The following COL5A1 variants were observed in gnomAD, a reference collection of about 807,000 sequenced individuals.
COL5A1 encodes collagen type V alpha 1 chain, also known as collagen alpha-1(V) chain.
Under a neutral mutation model 263.7 loss-of-function variants are expected in COL5A1, and 16 were observed. The ratio of observed to expected loss-of-function variants is 0.06; its 90% CI spans 0.04 to 0.09. The LOEUF is 0.09. Among genes scored for constraint, COL5A1 ranks in the 10% least tolerant of loss-of-function variants. The probability of loss-of-function intolerance (pLI) is 1.00; values close to 1 mark genes in which losing one functional copy is unlikely to be tolerated. For missense variants in COL5A1, 2,036 were observed against 2,540.5 expected (o/e 0.80, Z 4.27); for synonymous variants, 1,012 against 1,004.5 (o/e 1.01, Z -0.14).
chr9:134,750,708 C>G, intron 12 of COL5A1, 82 bp from the exon 13 acceptor site: 5 of 1,592,732 alleles, frequency 3.1e-6, no homozygotes, highest in Middle Eastern at 1.7e-4. Context: ...ACTGGAGAGG[C>G]CTGTGGGCCC....
chr9:134,828,195 T>C (rs1378844300), intron 63 of COL5A1, among the ~76,000 whole-genome samples: 1 of 152,084 alleles, frequency 6.6e-6, no homozygotes, highest in Non-Finnish European at 1.5e-5. Flanking sequence ...AGGTCTCCCC[T>C]CAGAGGAATG....
intron 1 of COL5A1, among the ~76,000 whole-genome samples, chr9:134,653,696 A>G (rs1276676020): frequency 1.3e-5 from 2 of 150,082 alleles, no homozygotes; most frequent in Non-Finnish European, 3.0e-5. Context: ...CCAGGGTTCT[A>G]TAGGGATGGT....
chr9:134,717,537 C>T (rs1221454273), intron 4 of COL5A1, among the ~76,000 whole-genome samples: 3 of 152,220 alleles, frequency 2.0e-5, no homozygotes, highest in Non-Finnish European at 2.9e-5. Context: ...GCCCGTGGCT[C>T]TCCCGGCCTC....
chr9:134,799,832 A>T (rs938013600), intron 37 of COL5A1, among the ~76,000 whole-genome samples: 5 of 152,222 alleles, frequency 3.3e-5, no homozygotes, highest in Non-Finnish European at 7.3e-5. Flanking sequence ...GACAAGATAG[A>T]AGGTTTTACA....
In COL5A1 at chr9:134,817,792, C is replaced by T. The variant is rs1173806309; in HGVS notation, c.4191C>T (p.Pro1397=). 4.3e-6 allele frequency: 7 copies of T among 1,612,012 alleles called. No individual in the cohort carries two copies. The highest frequency in any genetic ancestry group is 3.3e-4 in the Middle Eastern group (2 of 6,084). The change falls in exon 54 of 66, where the codon CCC becomes CCT. Residue 1397 remains proline (P), a synonymous_variant. Transcript: ENST00000371817. Reference sequence around the variant, plus strand: ...GCTTCTTTCAGGGTCCCCCAGGCCCCGCAGGCCCCGAAGGCAGACAGGGAG... The same window carrying T: ...GCTTCTTTCAGGGTCCCCCAGGCCCTGCAGGCCCCGAAGGCAGACAGGGAG... ...GPPGKRGPPG[P]AGPEGRQGEK... is the part of the protein sequence containing the mutation.
At chr9:134,776,181 TTTTTCCCTAAAGCCAGC>T (rs1837045566) in intron 27 of COL5A1, among the ~76,000 whole-genome samples, 2 of 152,072 alleles carry the variant, frequency 1.3e-5, no homozygotes, top group South Asian at 4.2e-4. Flanking sequence ...GCGAGTCAGG[TTTTTCCCTAAAGCCAGC>T]TTCTACCAGC....
chr9:134,780,272 G>A, intron 28 of COL5A1, 126 bp downstream of exon 28: 2 of 921,850 alleles, frequency 2.2e-6, no homozygotes, highest in Non-Finnish European at 3.6e-6. Context: ...TGAGTACTGA[G>A]GGGGATGGAT....
At chr9:134,801,852 G>C (rs1183944526) in intron 37 of COL5A1, 102 bp from the exon 38 acceptor site, 23 of 1,020,620 alleles carry the variant, frequency 2.3e-5, no homozygotes, top group African/African-American at 7.9e-5. Context: ...ATCTACTCTG[G>C]GGGGAAGGGA....
intron 65 of COL5A1, 37 bp downstream of exon 65, chr9:134,835,241 C>T (rs1055951803): frequency 1.3e-5 from 21 of 1,573,178 alleles, no homozygotes; most frequent in Admixed American, 3.4e-5. Context: ...CCCCTGCTCA[C>T]GCCTCCGTGG....
chr9:134,813,955 G>A (rs1274068432), intron 48 of COL5A1, 28 bp from the exon 49 acceptor site: 12 of 1,550,486 alleles, frequency 7.7e-6, no homozygotes, highest in East Asian at 4.9e-5. Flanking sequence ...GCTCACCGCT[G>A]CCATAACCAC....
intron 22 of COL5A1, 98 bp from the exon 23 acceptor site, chr9:134,766,902 T>G: frequency 8.4e-7 from 1 of 1,191,796 alleles, no homozygotes; most frequent in Non-Finnish European, 1.2e-6. Flanking sequence ...GGGGAGCAGT[T>G]TGAAAGGATG....
At chr9:134,689,995 G>C (rs1833218710) in intron 1 of COL5A1, among the ~76,000 whole-genome samples, 1 of 152,204 alleles carries the variant, frequency 6.6e-6, no homozygotes, top group African/African-American at 2.4e-5. Context: ...GGTGGATGCA[G>C]GTCTGGGGTC....
chr9:134,660,578 G>T (rs1199993013), intron 1 of COL5A1, among the ~76,000 whole-genome samples: 1 of 152,226 alleles, frequency 6.6e-6, no homozygotes, highest in Non-Finnish European at 1.5e-5. Context: ...CTAGAGACCA[G>T]TGGTGGGAGT....
Position 134,756,809 on chromosome 9 carries a change from T to C in COL5A1, c.1872T>C (p.Thr624=). ...SDGARGMPGQ[T]GPKGDRGFDG... Reference sequence around the variant, plus strand: ...GAGCCAGAGGAATGCCTGGACAAACTGGCCCCAAGGTAGGTCACCCACCAC... The same window carrying C: ...GAGCCAGAGGAATGCCTGGACAAACCGGCCCCAAGGTAGGTCACCCACCAC... The change falls in exon 17 of 66, where the codon ACT becomes ACC. Residue 624 remains threonine (T), a synonymous_variant. Coordinates refer to ENST00000371817, the MANE Select transcript of COL5A1 (RefSeq NM_000093.5). 6.2e-7 allele frequency: 1 copy of C among 1,614,014 alleles called. No homozygotes were observed. Among genetic ancestry groups the C allele is most frequent in the Non-Finnish European group, 8.5e-7 (1 of 1,179,996 alleles).
At chr9:134,718,450 G>A (rs2132615171) in intron 4 of COL5A1, among the ~76,000 whole-genome samples, 1 of 152,358 alleles carries the variant, frequency 6.6e-6, no homozygotes, top group East Asian at 1.9e-4. Context: ...GCTTCTTTGG[G>A]CAGCCACAGG....
At chr9:134,766,907 A>T (rs1006557337) in intron 22 of COL5A1, 93 bp from the exon 23 acceptor site, 13 of 1,232,034 alleles carry the variant, frequency 1.1e-5, no homozygotes, top group African/African-American at 1.0e-4. Flanking sequence ...GCAGTTTGAA[A>T]GGATGGGAGG....
intron 1 of COL5A1, among the ~76,000 whole-genome samples, chr9:134,683,725 C>A (rs1446475622): frequency 1.3e-5 from 2 of 152,186 alleles, no homozygotes; most frequent in Admixed American, 1.3e-4. Context: ...CTTTGATACT[C>A]CCTCTCCATC....
chr9:134,676,236 G>A (rs938474553), intron 1 of COL5A1, among the ~76,000 whole-genome samples: 3 of 152,126 alleles, frequency 2.0e-5, no homozygotes, highest in African/African-American at 7.2e-5. Context: ...TTACTGGTGT[G>A]TGTATTTGCA....
intron 1 of COL5A1, among the ~76,000 whole-genome samples, chr9:134,660,764 A>T (rs1179154662): frequency 3.9e-5 from 6 of 152,160 alleles, no homozygotes; most frequent in Admixed American, 3.9e-4. Context: ...TCTCTACCTC[A>T]TAGATTTGTG....
Sources: gnomAD v4.1 joint callset for allele counts (sites outside exome capture counted in the v4.1 genomes callset) on GRCh38, gnomAD v4.1.1 for gene constraint, MANE v1.5 for transcripts, NCBI Gene and HGNC (gene_info 2026-07-23, HGNC 2026-07-21) for gene names.